Variants in TMEM117 observed in about 807,000 individuals in gnomAD.
TMEM117 encodes the protein transmembrane protein 117.
A neutral mutation model predicts 52.4 loss-of-function variants in TMEM117; 27 were observed. The ratio of observed to expected loss-of-function variants is 0.51; its 90% CI spans 0.38 to 0.71. The LOEUF is 0.71. Among genes scored for constraint, TMEM117 ranks in the 30% least tolerant of loss-of-function variants. The pLI, the probability that TMEM117 is intolerant of heterozygous loss-of-function variation, is 0.00. For synonymous variants in TMEM117, 215 were observed against 206.3 expected (o/e 1.04, Z -0.36); for missense variants, 556 against 630.5 (o/e 0.88, Z 1.26).
chr12:44,206,854 C>T (rs190973826), intron 4 of TMEM117, among the ~76,000 whole-genome samples: 4 of 152,210 alleles, frequency 2.6e-5, no homozygotes, highest in Admixed American at 2.6e-4. Context: ...AAAACTTCCA[C>T]CTATCGGATA....
chr12:44,346,576 T>C lies in TMEM117; in HGVS notation c.769-30019T>C, dbSNP rs77701449. On this transcript the variant is annotated intron_variant, in intron 6 of 7. Coordinates refer to ENST00000266534, the MANE Select transcript of TMEM117 (RefSeq NM_032256.3). ...TGGGTCTATTTGTCTTTCAGACTCTTGCACATACTGTGCGATCCCATGGTA... is the reference window on the plus strand; with the variant it reads ...TGGGTCTATTTGTCTTTCAGACTCTCGCACATACTGTGCGATCCCATGGTA... 3.0e-4 allele frequency among the ~76,000 whole-genome samples: 45 copies of C among 152,276 alleles called. No homozygotes were observed. The East Asian group carries it at 8.3e-3, about 28-fold the overall frequency.
chr12:44,214,425 C>T (rs1949689842), intron 5 of TMEM117, among the ~76,000 whole-genome samples: 1 of 152,064 alleles, frequency 6.6e-6, no homozygotes, highest in Non-Finnish European at 1.5e-5. Flanking sequence ...ACCTTGGGCT[C>T]CCAAAGCGCT....
In TMEM117 at chr12:43,927,468, A is replaced by C. The variant is rs1246236229; in HGVS notation, c.278-16742A>C. Reference sequence around the variant, plus strand: ...GTTTTTGGTTTTTTTTTTGGTTTGCATGACTTATTAAATGAGAGAGGAATG... The same window carrying C: ...GTTTTTGGTTTTTTTTTTGGTTTGCCTGACTTATTAAATGAGAGAGGAATG... On this transcript the variant is annotated intron_variant, in intron 2 of 7. Transcript: ENST00000266534. Among the ~76,000 whole-genome samples, 3 of 150,672 alleles carry C rather than the reference A, an allele frequency of 2.0e-5. No individual in the cohort carries two copies. In the East Asian group the frequency reaches 5.8e-4, roughly 29 times the overall value.
At chr12:44,149,945 T>C (rs542644758) in intron 4 of TMEM117, among the ~76,000 whole-genome samples, 18 of 152,258 alleles carry the variant, frequency 1.2e-4, no homozygotes, top group East Asian at 7.7e-4. Context: ...AGCAAACTCA[T>C]TGGACACATG....
At chr12:44,100,237 A>ATCTACTAATGG (rs1947838965) in intron 3 of TMEM117, among the ~76,000 whole-genome samples, 4 of 152,000 alleles carry the variant, frequency 2.6e-5, no homozygotes, top group Admixed American at 1.3e-4. Context: ...GGGAATCACT[A>ATCTACTAATGG]GCATTCTGTT....
chr12:44,024,293 A>T (rs1481828645), intron 3 of TMEM117, among the ~76,000 whole-genome samples: 1 of 152,160 alleles, frequency 6.6e-6, no homozygotes, highest in Non-Finnish European at 1.5e-5. Flanking sequence ...AATGCCTTTG[A>T]TGGATAATGA....
chr12:44,351,010 C>T (rs1417152112), intron 6 of TMEM117, among the ~76,000 whole-genome samples: 1 of 152,038 alleles, frequency 6.6e-6, no homozygotes, highest in Non-Finnish European at 1.5e-5. Context: ...CTAGTCTCCA[C>T]ATCTTCTCCA....
chr12:44,327,277 G>T (rs575009812), intron 6 of TMEM117, among the ~76,000 whole-genome samples: 1 of 152,116 alleles, frequency 6.6e-6, no homozygotes, highest in African/African-American at 2.4e-5. Flanking sequence ...TGAATTTATA[G>T]TACATTCAGG....
chr12:44,122,143 C>G (rs900183710), intron 3 of TMEM117, among the ~76,000 whole-genome samples: 1 of 151,170 alleles, frequency 6.6e-6, no homozygotes, highest in Non-Finnish European at 1.5e-5. Context: ...CTCCCAGGTT[C>G]AAACAATTCT....
intron 3 of TMEM117, among the ~76,000 whole-genome samples, chr12:43,987,541 CTTTTAGTTAGTTT>C (rs1240202564): frequency 1.3e-5 from 2 of 149,426 alleles, no homozygotes; most frequent in Non-Finnish European, 3.0e-5. Flanking sequence ...CTCAATGAAG[CTTTTAGTTAGTTT>C]TTTTTTTTTC....
At chr12:43,975,132 T>C (rs896639779) in intron 3 of TMEM117, among the ~76,000 whole-genome samples, 2 of 152,244 alleles carry the variant, frequency 1.3e-5, no homozygotes, top group Non-Finnish European at 2.9e-5. Context: ...TTTTTGTCTT[T>C]AAGTTGTCAC....
At chr12:43,887,921 C>T (rs1944027068) in intron 2 of TMEM117, among the ~76,000 whole-genome samples, 1 of 152,140 alleles carries the variant, frequency 6.6e-6, no homozygotes, top group Non-Finnish European at 1.5e-5. Context: ...ATCAAAATAG[C>T]AGTTACAGAT....
chr12:44,011,872 A>G (rs1304893227), intron 3 of TMEM117, among the ~76,000 whole-genome samples: 1 of 152,224 alleles, frequency 6.6e-6, no homozygotes, highest in Non-Finnish European at 1.5e-5. Context: ...TTAAGTGACT[A>G]TATACATTTA....
chr12:44,359,208 CA>C lies in TMEM117; in HGVS notation c.769-17376del, dbSNP rs532813158. On this transcript the variant is annotated intron_variant, in intron 6 of 7. Coordinates refer to ENST00000266534, the MANE Select transcript of TMEM117 (RefSeq NM_032256.3). Reference sequence around the variant, plus strand: ...GTTGGAATTAAAGGGAGATTTAAGGCAAAAAAAAAAAGTAAAAGAATTGCTG... The same window carrying C: ...GTTGGAATTAAAGGGAGATTTAAGGCAAAAAAAAAAGTAAAAGAATTGCTG... 9.9e-3 allele frequency among the ~76,000 whole-genome samples: 1,231 copies of C among 124,512 alleles called. 11 individuals carry two copies. Among genetic ancestry groups the C allele is most frequent in the African/African-American group, 0.03 (1,023 of 34,062 alleles). 81.7% of individuals were successfully genotyped at this position (124,512 alleles called of 152,430 possible).
chr12:44,237,774 A>G (rs1246236896), intron 5 of TMEM117, among the ~76,000 whole-genome samples: 1 of 152,130 alleles, frequency 6.6e-6, no homozygotes, highest in Admixed American at 6.6e-5. Flanking sequence ...AATCATCATT[A>G]TCTGATATAA....
chr12:43,999,267 T>C (rs1334503182), intron 3 of TMEM117, among the ~76,000 whole-genome samples: 1 of 152,202 alleles, frequency 6.6e-6, no homozygotes, highest in Non-Finnish European at 1.5e-5. Context: ...CACTAAATAC[T>C]CCTGTTTGTG....
chr12:44,143,011 A>C (rs1177517066), intron 3 of TMEM117, among the ~76,000 whole-genome samples: 3 of 152,216 alleles, frequency 2.0e-5, no homozygotes, highest in African/African-American at 4.8e-5. Context: ...ATCAAATTTC[A>C]TACTGCTTTA....
At chr12:44,292,796 T>C (rs1460397257) in intron 5 of TMEM117, among the ~76,000 whole-genome samples, 2 of 152,074 alleles carry the variant, frequency 1.3e-5, no homozygotes, top group Non-Finnish European at 2.9e-5. Flanking sequence ...TGATTTCTGG[T>C]TTCATACTAT....
chr12:44,255,050 G>A (rs183549585), intron 5 of TMEM117, among the ~76,000 whole-genome samples: 5 of 152,080 alleles, frequency 3.3e-5, no homozygotes, highest in African/African-American at 1.2e-4. Flanking sequence ...TCTTAATCCA[G>A]TCTATCGTTG....
Sources: allele counts gnomAD v4.1 joint callset (sites outside exome capture counted in the v4.1 genomes callset), GRCh38; gene constraint gnomAD v4.1.1; transcripts MANE v1.5; gene names NCBI Gene and HGNC (gene_info 2026-07-23, HGNC 2026-07-21).